CSMD1: variants seen among roughly 807,000 people sequenced by gnomAD.
CSMD1 encodes CUB and sushi domain-containing protein 1.
In CSMD1, 213 loss-of-function variants were observed where a neutral mutation model predicts 417.5. The ratio of observed to expected loss-of-function variants is 0.51; its 90% CI spans 0.46 to 0.57. The LOEUF (loss-of-function observed/expected upper bound fraction) is 0.57. Ranked by LOEUF, CSMD1 falls within the 20% of genes least tolerant of loss-of-function variation. The pLI, the probability that CSMD1 is intolerant of heterozygous loss-of-function variation, is 0.00. For synonymous variants in CSMD1, 2,862 were observed against 1,736.8 expected (o/e 1.65, Z -16.11); for missense variants, 6,923 against 4,529.7 (o/e 1.53, Z -15.17).
At chr8:3,332,237 T>C (rs559811403) in intron 23 of CSMD1, among the ~76,000 whole-genome samples, 2 of 152,380 alleles carry the variant, frequency 1.3e-5, no homozygotes, top group East Asian at 1.9e-4. Flanking sequence ...TAAAACGTCA[T>C]CTCTAAGATT....
rs533882611 is a variant in CSMD1 at position 3,892,298 on chromosome 8, C to T, written c.818+105605G>A. The stretch of plus-strand genomic sequence containing the variant: ...CAAAGAACAACTACACATCACTCAA[C>T]GCTTAATTGCTGAAAAGGGAAACTG... On this transcript the variant is annotated intron_variant, in intron 5 of 69. Transcript: ENST00000635120. Among the ~76,000 whole-genome samples, 54 of 152,242 alleles carry T rather than the reference C, an allele frequency of 3.5e-4. 1 individual carries two copies. The highest frequency in any genetic ancestry group is 1.3e-3 in the African/African-American group (52 of 41,552).
intron 4 of CSMD1, among the ~76,000 whole-genome samples, chr8:4,005,010 C>G (rs575159115): frequency 1.1e-4 from 16 of 152,232 alleles, no homozygotes; most frequent in Non-Finnish European, 1.5e-4. Context: ...TCCCTAGTGA[C>G]TCTTATTCTA....
chr8:3,984,771 G>GGA (rs1814192785), intron 5 of CSMD1, among the ~76,000 whole-genome samples: 1 of 139,220 alleles, frequency 7.2e-6, no homozygotes, highest in African/African-American at 2.8e-5. Context: ...ATTTGTGCGT[G>GGA]TGTGTGTGTG....
In CSMD1 at chr8:3,226,019, G is replaced by T. The variant is rs1341023183; in HGVS notation, c.4346-2152C>A. On this transcript the variant is annotated intron_variant, in intron 27 of 69. Transcript: ENST00000635120. ...CAACAGCACACATACATACGTAGCA[G>T]CTCCTTCACCACCAGGGTTTGAAGC... 2.0e-5 allele frequency among the ~76,000 whole-genome samples: 3 copies of T among 152,290 alleles called. No homozygotes were observed. The East Asian group carries it at 5.8e-4, about 29-fold the overall frequency.
intron 11 of CSMD1, among the ~76,000 whole-genome samples, chr8:3,470,856 T>C (rs1817052507): frequency 6.6e-6 from 1 of 152,226 alleles, no homozygotes; most frequent in Admixed American, 6.5e-5. Flanking sequence ...CAATAGTTTG[T>C]TCCCTTTTAT....
At chr8:4,132,192 A>ATT (rs5889019) in intron 3 of CSMD1, among the ~76,000 whole-genome samples, 50 of 95,776 alleles carry the variant, frequency 5.2e-4, no homozygotes, top group African/African-American at 1.7e-3. Context: ...TTTGTCATGG[A>ATT]TTTTTTTTTT....
At position 3,262,184 on chromosome 8, in the gene CSMD1, A is replaced by AAAATATAT. The variant is rs1420684024; in HGVS notation, c.4153+21959_4153+21960insATATATTT. ...TTATTTCTAAAATTATGCTCATATGAATATATATATATATATATATATATA... is the reference window on the plus strand; with the variant it reads ...TTATTTCTAAAATTATGCTCATATGAAAATATATATATATATATATATATATATATATA... On this transcript the variant is annotated intron_variant, in intron 26 of 69. Transcript: ENST00000635120. Among the ~76,000 whole-genome samples, 121 of 63,148 alleles carry AAAATATAT rather than the reference A, an allele frequency of 1.9e-3. 7 individuals carry two copies. The highest frequency in any genetic ancestry group is 2.0e-3 in the Non-Finnish European group (67 of 33,888). The allele number at this position is 63,148 out of a possible 152,430, so 41.4% of individuals were successfully genotyped here.
At chr8:4,980,812 G>A (rs1283512305) in intron 1 of CSMD1, among the ~76,000 whole-genome samples, 12 of 151,948 alleles carry the variant, frequency 7.9e-5, no homozygotes. Flanking sequence ...GCTGACACGG[G>A]AGGATCACTT....
chr8:4,016,322 C>A (rs1796520600), intron 4 of CSMD1, among the ~76,000 whole-genome samples: 1 of 152,110 alleles, frequency 6.6e-6, no homozygotes, highest in African/African-American at 2.4e-5. Context: ...GAATAATTAA[C>A]TACTGACCAA....
intron 1 of CSMD1, among the ~76,000 whole-genome samples, chr8:4,692,918 C>A (rs1245409838): frequency 1.3e-5 from 2 of 152,156 alleles, no homozygotes; most frequent in East Asian, 3.9e-4. Context: ...TGACCAGATT[C>A]CCAGTTTTGC....
In CSMD1 at chr8:3,735,741, A is replaced by G. The variant is rs367739311; in HGVS notation, c.931+18189T>C. On this transcript the variant is annotated intron_variant, in intron 6 of 69. Coordinates refer to ENST00000635120, the MANE Select transcript of CSMD1 (RefSeq NM_033225.6). ...AAACTCGTTTGGAGCAAGGCCTACC[A>G]CACCTCTAGCCTTTACAATGTTGCT... 1.2e-4 allele frequency among the ~76,000 whole-genome samples: 18 copies of G among 152,324 alleles called. No homozygotes were observed. The East Asian group carries it at 3.5e-3, about 29-fold the overall frequency.
chr8:4,574,783 A>G (rs555576548), intron 2 of CSMD1, among the ~76,000 whole-genome samples: 2 of 152,356 alleles, frequency 1.3e-5, no homozygotes, highest in Admixed American at 6.5e-5. Context: ...CAACACTCAT[A>G]GTTTCTGCAT....
chr8:4,748,794 G>C (rs7827548), intron 1 of CSMD1, among the ~76,000 whole-genome samples: 47,093 of 152,070 alleles, frequency 0.31, 8,206 homozygotes, highest in Admixed American at 0.45. Context: ...TTAGTAGCGT[G>C]TTAGCATCAC....
At chr8:4,725,211 T>G (rs182726534) in intron 1 of CSMD1, among the ~76,000 whole-genome samples, 49 of 152,286 alleles carry the variant, frequency 3.2e-4, no homozygotes, top group Non-Finnish European at 5.7e-4. Context: ...AGGTTAAATT[T>G]AAGTCTTATT....
intron 3 of CSMD1, among the ~76,000 whole-genome samples, chr8:4,207,699 A>G (rs1353154932): frequency 6.6e-6 from 1 of 152,070 alleles, no homozygotes; most frequent in African/African-American, 2.4e-5. Context: ...CAAAAGAAAC[A>G]TTTTTCTGAT....
chr8:4,714,258 A>G (rs976557771), intron 1 of CSMD1, among the ~76,000 whole-genome samples: 8 of 152,216 alleles, frequency 5.3e-5, no homozygotes, highest in Non-Finnish European at 1.2e-4. Flanking sequence ...CAGCAGAAAT[A>G]TACTCATCCT....
chr8:4,839,262 A>G (rs867367739), intron 1 of CSMD1, among the ~76,000 whole-genome samples: 3 of 152,202 alleles, frequency 2.0e-5, no homozygotes, highest in Non-Finnish European at 4.4e-5. Context: ...TCTCCCAATT[A>G]TCTAGTCATT....
chr8:3,671,167 A>G lies in CSMD1; in HGVS notation c.1009+37247T>C, dbSNP rs867548745. 3.2e-4 allele frequency among the ~76,000 whole-genome samples: 47 copies of G among 147,536 alleles called. 1 individual carries two copies. The highest frequency in any genetic ancestry group is 1.1e-3 in the African/African-American group (44 of 40,518). On this transcript the variant is annotated intron_variant, in intron 7 of 69. Transcript: ENST00000635120. Reference sequence around the variant, plus strand: ...TGTATATGGGATATATATGTATATGAGATATATATGTATATGGTATATATA... The same window carrying G: ...TGTATATGGGATATATATGTATATGGGATATATATGTATATGGTATATATA...
intron 12 of CSMD1, among the ~76,000 whole-genome samples, chr8:3,436,927 CA>C (rs1373875615): frequency 6.6e-6 from 1 of 151,070 alleles, no homozygotes; most frequent in South Asian, 2.1e-4. Flanking sequence ...ATGGCTTCTC[CA>C]AAAAAAAGAG....
Sources: allele counts gnomAD v4.1 joint callset (sites outside exome capture counted in the v4.1 genomes callset), GRCh38; gene constraint gnomAD v4.1.1; transcripts MANE v1.5; gene names NCBI Gene and HGNC (gene_info 2026-07-23, HGNC 2026-07-21).